TRMT1L: variants seen among roughly 807,000 people sequenced by gnomAD.
TRMT1L encodes tRNA methyltransferase 1L.
Under a neutral mutation model 81.6 loss-of-function variants are expected in TRMT1L, and 28 were observed. The observed-to-expected ratio is 0.34, with a 90% CI of 0.25 to 0.47. TRMT1L has a LOEUF of 0.47. Among genes scored for constraint, TRMT1L ranks in the 20% least tolerant of loss-of-function variants. TRMT1L has a pLI of 1.00. For synonymous variants in TRMT1L, 301 were observed against 303.2 expected, an observed-to-expected ratio of 0.99 and a Z score of 0.07; for missense variants, 739 against 877.1, an observed-to-expected ratio of 0.84 and a Z score of 1.99.
rs994172607 is a variant in TRMT1L at position 185,139,348 on chromosome 1, A to G, written c.1322+19T>C. ...TCAAATACTGAAACACACTAAGTAC[A>G]CTGTTGGCAATTTGGTACCTTGCCA... On this transcript the variant is annotated intron_variant, in intron 9 of 14. Transcript: ENST00000367506. 19 of 1,603,062 alleles carry G rather than the reference A, an allele frequency of 1.2e-5. No homozygotes were observed. The highest frequency in any genetic ancestry group is 1.5e-5 in the Non-Finnish European group (18 of 1,171,544).
chr1:185,140,956 C>T (rs1348958255), intron 7 of TRMT1L, among the ~76,000 whole-genome samples: 7 of 142,612 alleles, frequency 4.9e-5, no homozygotes, highest in African/African-American at 1.6e-4. Context: ...ATCTCAAAGC[C>T]GAGACCCTAT....
intron 1 of TRMT1L, among the ~76,000 whole-genome samples, chr1:185,154,795 G>A (rs987358742): frequency 6.6e-6 from 1 of 152,204 alleles, no homozygotes; most frequent in African/African-American, 2.4e-5. Context: ...TTAAGATAGT[G>A]CGTATCAGAC....
In TRMT1L at chr1:185,119,242, T is replaced by C. The variant is rs936049367; in HGVS notation, c.*777A>G. ...AGTACAACCAACCAAATGAATACTG[T>C]ACGTGCATTAACTGAGGCACTTAAG... is the stretch of plus-strand genomic sequence containing the variant. On this transcript the variant is annotated 3_prime_UTR_variant, in exon 15 of 15. Coordinates refer to ENST00000367506, the MANE Select transcript of TRMT1L (RefSeq NM_030934.5). The C allele has an allele frequency of 1.3e-5, 2 of 152,130 alleles. No individual in the cohort carries two copies. Among genetic ancestry groups the C allele is most frequent in the Non-Finnish European group, 2.9e-5 (2 of 68,014 alleles). The allele number at this position is 152,130 out of a possible 1,614,324, so 9.4% of individuals were successfully genotyped here. A position where few individuals can be genotyped will look rare whatever the true frequency, so the allele number is the denominator to read the frequency against.
At chr1:185,154,933 A>T (rs1653454835) in intron 1 of TRMT1L, among the ~76,000 whole-genome samples, 3 of 152,174 alleles carry the variant, frequency 2.0e-5, no homozygotes, top group Admixed American at 2.0e-4. Context: ...TTATTCTATT[A>T]CTTTTTCCTC....
chr1:185,128,475 A>G (rs146077003), intron 11 of TRMT1L, among the ~76,000 whole-genome samples, 194 bp downstream of exon 11: 1 of 152,352 alleles, frequency 6.6e-6, no homozygotes, highest in African/African-American at 2.4e-5. Context: ...GTCACAAACT[A>G]GAGAGAATAA....
At chr1:185,143,093 G>C (rs1223655202) in intron 7 of TRMT1L, among the ~76,000 whole-genome samples, 1 of 151,890 alleles carries the variant, frequency 6.6e-6, no homozygotes, top group Non-Finnish European at 1.5e-5. Flanking sequence ...CAAATTAATG[G>C]ATATCAAAAG....
chr1:185,155,165 T>C (rs1381210522), intron 1 of TRMT1L, among the ~76,000 whole-genome samples: 1 of 152,246 alleles, frequency 6.6e-6, no homozygotes, highest in African/African-American at 2.4e-5. Flanking sequence ...TTGTAAATTT[T>C]GGAATATATA....
At chr1:185,143,859 TATA>T (rs1349710780) in intron 6 of TRMT1L, 44 bp downstream of exon 6, 1 of 1,519,200 alleles carries the variant, frequency 6.6e-7, no homozygotes, top group African/African-American at 1.4e-5. Context: ...AAGGTACACT[TATA>T]ATAATTTGAA....
intron 3 of TRMT1L, 86 bp from the exon 4 acceptor site, chr1:185,147,332 A>AT (rs2102254221): frequency 1.0e-6 from 1 of 978,058 alleles, no homozygotes; most frequent in Non-Finnish European, 1.6e-6. Flanking sequence ...TTTTATAAGA[A>AT]TTGGTATTAC....
In TRMT1L at chr1:185,122,682, A is replaced by ATT. The variant is rs374716894; in HGVS notation, c.1822+1173_1822+1174dup. On this transcript the variant is annotated intron_variant, in intron 13 of 14. Coordinates refer to ENST00000367506, the MANE Select transcript of TRMT1L (RefSeq NM_030934.5). ...GCATAGGATAATACTCTTAAATCTAATTTTTTTTTTTTTTTTTTTTTTGAG... is the reference window on the plus strand; with the variant it reads ...GCATAGGATAATACTCTTAAATCTAATTTTTTTTTTTTTTTTTTTTTTTTGAG... Among the ~76,000 whole-genome samples, 482 of 118,818 alleles carry ATT rather than the reference A, an allele frequency of 4.1e-3. 9 individuals are homozygous for ATT. The highest frequency in any genetic ancestry group is 0.014 in the East Asian group (60 of 4,326). The allele number at this position is 118,818 out of a possible 152,430, so 77.9% of individuals were successfully genotyped here.
At chr1:185,137,378 G>A (rs891528157) in intron 10 of TRMT1L, 7 of 605,802 alleles carry the variant, frequency 1.2e-5, no homozygotes, top group African/African-American at 3.7e-5. Context: ...TAGATGTTTC[G>A]ATAGAAGGCA....
In TRMT1L at chr1:185,128,735, C is replaced by T. The variant is rs1652695774; in HGVS notation, c.1526G>A (p.Arg509Lys). The T allele has an allele frequency of 2.5e-6, 4 of 1,602,878 alleles. No individual in the cohort carries two copies. The highest frequency in any genetic ancestry group is 1.4e-5 in the African/African-American group (1 of 74,058). Residue 509 changes from arginine (R) to lysine (K), a missense_variant, in exon 11 of 15, where the codon AGA (arginine) becomes AAA (lysine). By Grantham distance (26) the Arg-to-Lys change is conservative. Coordinates refer to ENST00000367506, the MANE Select transcript of TRMT1L (RefSeq NM_030934.5). ...DGNMVEENPY[R>K]QLPCNCHGSM... ...TCCATGACAGTTACAAGGCAGCTGT[C>T]TATATGGGTTTTCTGTAAAAAGATA...
At chr1:185,145,661 T>A in intron 4 of TRMT1L, 93 bp from the exon 5 acceptor site, 1 of 1,255,632 alleles carries the variant, frequency 8.0e-7, no homozygotes, top group Non-Finnish European at 1.1e-6. Context: ...GTCTTGGATT[T>A]AATGGTATAG....
chr1:185,148,926 A>T (rs74134423), intron 3 of TRMT1L, among the ~76,000 whole-genome samples: 2,273 of 152,196 alleles, frequency 0.015, 62 homozygotes, highest in African/African-American at 0.051. Context: ...CTGCTTTATC[A>T]AGGCTGGTTG....
At chr1:185,128,827 G>A in intron 10 of TRMT1L, 80 bp from the exon 11 acceptor site, 1 of 1,212,008 alleles carries the variant, frequency 8.3e-7, no homozygotes, top group Non-Finnish European at 1.2e-6. Flanking sequence ...TAATAATAAT[G>A]TGCAGCTACT....
intron 1 of TRMT1L, among the ~76,000 whole-genome samples, chr1:185,152,947 C>CGTAA (rs1307499723): frequency 6.6e-6 from 1 of 151,864 alleles, no homozygotes; most frequent in Non-Finnish European, 1.5e-5. Context: ...AGATACAAAT[C>CGTAA]GTAAGTAACA....
At chr1:185,157,195 A>G (rs1653651925), upstream of TRMT1L, 2 of 158,788 alleles carry the variant, frequency 1.3e-5, no homozygotes, top group Admixed American at 6.2e-5. Context: ...CGGGCGCAGA[A>G]CTACGTTTCC....
At chr1:185,151,689 T>TA (rs1459935801) in intron 2 of TRMT1L, 136 bp downstream of exon 2, 4 of 501,844 alleles carry the variant, frequency 8.0e-6, no homozygotes, top group Non-Finnish European at 1.3e-5. Flanking sequence ...ATTTCCTGAA[T>TA]AAAAAACTGT....
intron 5 of TRMT1L, 72 bp downstream of exon 5, chr1:185,145,367 G>A: frequency 6.8e-7 from 1 of 1,461,498 alleles, no homozygotes; most frequent in Non-Finnish European, 9.4e-7. Flanking sequence ...TATTCCTGAT[G>A]TCTGAAAATA....
Sources: gnomAD v4.1 joint callset for allele counts (sites outside exome capture counted in the v4.1 genomes callset) on GRCh38, gnomAD v4.1.1 for gene constraint, MANE v1.5 for transcripts, NCBI Gene and HGNC (gene_info 2026-07-23, HGNC 2026-07-21) for gene names.